Variants in SGCZ observed in about 807,000 individuals in gnomAD.
SGCZ encodes the protein zeta-sarcoglycan.
In SGCZ, 40 loss-of-function variants were observed where a neutral mutation model predicts 41.3. The observed-to-expected ratio is 0.97, with a 90% confidence interval of 0.75 to 1.26. The LOEUF (loss-of-function observed/expected upper bound fraction) is 1.26, where lower values mean the gene tolerates loss of function less well. Among genes scored for constraint, SGCZ ranks in the 50% most tolerant of loss-of-function variants. The probability of loss-of-function intolerance (pLI) is 0.00; values close to 1 mark genes in which losing one functional copy is unlikely to be tolerated. For missense variants in SGCZ, 552 were observed against 369.8 expected (o/e 1.49, Z -4.04); for synonymous variants, 206 against 137.5 (o/e 1.50, Z -3.49).
At chr8:14,162,335 G>A (rs1804072570) in intron 5 of SGCZ, among the ~76,000 whole-genome samples, 1 of 152,108 alleles carries the variant, frequency 6.6e-6, no homozygotes. Flanking sequence ...TAATGTCCTA[G>A]AATTTATCTC....
At chr8:15,181,320 T>A (rs1585647227) in intron 1 of SGCZ, among the ~76,000 whole-genome samples, 1 of 152,164 alleles carries the variant, frequency 6.6e-6, no homozygotes, top group Non-Finnish European at 1.5e-5. Flanking sequence ...TAAGAGTTTA[T>A]AATTATATTT....
chr8:15,131,535 G>A (rs759709394), intron 1 of SGCZ, among the ~76,000 whole-genome samples: 52 of 152,120 alleles, frequency 3.4e-4, no homozygotes, highest in East Asian at 5.8e-4. Context: ...TATCTTATGC[G>A]TACAATCAAA....
chr8:14,344,681 A>C (rs2117087982), intron 2 of SGCZ, among the ~76,000 whole-genome samples: 1 of 152,256 alleles, frequency 6.6e-6, no homozygotes, highest in South Asian at 2.1e-4. Context: ...AAATGTAAGT[A>C]ATGCACAGGA....
chr8:14,698,458 T>A (rs930900769), intron 1 of SGCZ, among the ~76,000 whole-genome samples: 6 of 151,890 alleles, frequency 4.0e-5, no homozygotes, highest in Non-Finnish European at 1.5e-5. Context: ...AATTTATAAA[T>A]TGTATTAAAG....
At chr8:14,611,864 T>G (rs941436855) in intron 1 of SGCZ, among the ~76,000 whole-genome samples, 2 of 152,216 alleles carry the variant, frequency 1.3e-5, no homozygotes, top group Admixed American at 1.3e-4. Context: ...ATGGTTTTGA[T>G]GCAAAAGCTT....
At chr8:14,656,955 C>T (rs1001422116) in intron 1 of SGCZ, among the ~76,000 whole-genome samples, 2 of 151,350 alleles carry the variant, frequency 1.3e-5, no homozygotes, top group Admixed American at 6.6e-5. Context: ...CTAAATCAAT[C>T]GAAGAAGACA....
intron 2 of SGCZ, among the ~76,000 whole-genome samples, chr8:14,457,433 AG>A (rs1554520736): frequency 6.6e-6 from 1 of 152,148 alleles, no homozygotes; most frequent in Admixed American, 6.5e-5. Flanking sequence ...CCGGGAAAAG[AG>A]GGGGTCTCCC....
At chr8:14,746,069 T>C (rs1336051866) in intron 1 of SGCZ, among the ~76,000 whole-genome samples, 3 of 152,052 alleles carry the variant, frequency 2.0e-5, no homozygotes, top group African/African-American at 4.8e-5. Flanking sequence ...AAATTATTTT[T>C]GTTTTAATAT....
intron 1 of SGCZ, among the ~76,000 whole-genome samples, chr8:15,204,766 C>G (rs1012852791): frequency 1.3e-5 from 2 of 152,124 alleles, no homozygotes; most frequent in Non-Finnish European, 2.9e-5. Context: ...TTAACTATAG[C>G]CCACATAACA....
intron 2 of SGCZ, among the ~76,000 whole-genome samples, chr8:14,342,009 G>A (rs1003939964): frequency 1.3e-5 from 2 of 152,176 alleles, no homozygotes; most frequent in African/African-American, 4.8e-5. Context: ...AAGTGACTTT[G>A]GAACTGGGTA....
chr8:15,171,974 C>A (rs1367390120), intron 1 of SGCZ, among the ~76,000 whole-genome samples: 1 of 152,068 alleles, frequency 6.6e-6, no homozygotes, highest in Non-Finnish European at 1.5e-5. Context: ...AACAGGAGCC[C>A]TTGATCCCTT....
chr8:14,948,012 G>A (rs937984220), intron 1 of SGCZ, among the ~76,000 whole-genome samples: 1 of 152,262 alleles, frequency 6.6e-6, no homozygotes, highest in African/African-American at 2.4e-5. Flanking sequence ...GTTTGAAGAA[G>A]GCAAGCCTTC....
intron 2 of SGCZ, among the ~76,000 whole-genome samples, chr8:14,538,291 G>A (rs945094155): frequency 2.6e-5 from 4 of 151,902 alleles, no homozygotes; most frequent in Admixed American, 6.6e-5. Context: ...ACAACTTTAT[G>A]TCAGGCTGTA....
At chr8:14,249,748 G>A (rs190107119) in intron 3 of SGCZ, among the ~76,000 whole-genome samples, 5 of 152,038 alleles carry the variant, frequency 3.3e-5, no homozygotes, top group East Asian at 3.9e-4. Flanking sequence ...TGGGGTGGGG[G>A]GAATATTCCT....
chr8:14,715,888 G>C (rs569645865), intron 1 of SGCZ, among the ~76,000 whole-genome samples: 1 of 152,092 alleles, frequency 6.6e-6, no homozygotes, highest in Admixed American at 6.6e-5. Flanking sequence ...ATCAGTAGGA[G>C]CTGGCATGAA....
At chr8:15,100,366 T>C (rs1331975206) in intron 1 of SGCZ, among the ~76,000 whole-genome samples, 1 of 152,026 alleles carries the variant, frequency 6.6e-6, no homozygotes, top group African/African-American at 2.4e-5. Context: ...TACACACACA[T>C]CAAAGAAAAT....
At chr8:14,869,042 C>T (rs192654563) in intron 1 of SGCZ, among the ~76,000 whole-genome samples, 1 of 152,248 alleles carries the variant, frequency 6.6e-6, no homozygotes, top group Admixed American at 6.5e-5. Context: ...CCTTCTGAAA[C>T]TATTCCAAAC....
chr8:14,729,631 T>A (rs1180017472), intron 1 of SGCZ, among the ~76,000 whole-genome samples: 1 of 146,460 alleles, frequency 6.8e-6, no homozygotes, highest in Non-Finnish European at 1.5e-5. Flanking sequence ...ACTTACAGCA[T>A]CCAGAGCGTT....
In SGCZ at chr8:14,946,628, T is replaced by C. The variant is rs564237912; in HGVS notation, c.39+290957A>G. On this transcript the variant is annotated intron_variant, in intron 1 of 7. Coordinates refer to ENST00000382080, the MANE Select transcript of SGCZ (RefSeq NM_139167.4). The stretch of plus-strand genomic sequence containing the variant: ...TCACTATGTTATTCTCTTAACAGGA[T>C]TGGCACTGCTTCATACTCAAACCAG... 2.8e-3 allele frequency among the ~76,000 whole-genome samples: 427 copies of C among 152,044 alleles called. 3 individuals carry two copies. Among genetic ancestry groups the C allele is most frequent in the African/African-American group, 9.9e-3 (409 of 41,496 alleles).
Sources: allele counts gnomAD v4.1 joint callset (sites outside exome capture counted in the v4.1 genomes callset), GRCh38; gene constraint gnomAD v4.1.1; transcripts MANE v1.5; gene names NCBI Gene and HGNC (gene_info 2026-07-23, HGNC 2026-07-21).